Variants in VPS35 observed in about 807,000 individuals in gnomAD.
VPS35 encodes the protein vacuolar protein sorting-associated protein 35.
A neutral mutation model predicts 98.1 loss-of-function variants in VPS35; 21 were observed. That is an observed-to-expected ratio of 0.21 (90% CI 0.15 to 0.31). The LOEUF (loss-of-function observed/expected upper bound fraction) is 0.31, where lower values mean the gene tolerates loss of function less well. VPS35 is among the 10% of genes least tolerant of loss of function. The pLI, the probability that VPS35 is intolerant of heterozygous loss-of-function variation, is 1.00. For missense variants in VPS35, 554 were observed against 950.8 expected (o/e 0.58, Z 5.49); for synonymous variants, 268 against 318.2 (o/e 0.84, Z 1.68).
chr16:46,672,147 G>C, intron 11 of VPS35, 118 bp downstream of exon 11: 2 of 895,474 alleles, frequency 2.2e-6, no homozygotes, highest in Non-Finnish European at 3.4e-6. Flanking sequence ...TAATGAAAAA[G>C]TTACTTGTAA....
intron 12 of VPS35, 124 bp from the exon 13 acceptor site, chr16:46,669,176 G>T: frequency 8.0e-7 from 1 of 1,242,692 alleles, no homozygotes. Flanking sequence ...CATACTTTAT[G>T]GTAGGCAATT....
rs767701361 is a variant in VPS35, at chr16:46,674,641, G to A, written c.934C>T (p.Arg312Cys). 17 of 1,609,698 alleles carry A rather than the reference G, an allele frequency of 1.1e-5. No homozygotes were observed. The highest frequency in any genetic ancestry group is 1.4e-5 in the Non-Finnish European group (16 of 1,178,180). ...LIDRLALFAH[R>C]EDGPGIPADI... ...GCTGGGATTCCAGGTCCATCTTCACGGTGAGCAAATAAAGCTAATCTAAAA... is the reference window on the plus strand; with the variant it reads ...GCTGGGATTCCAGGTCCATCTTCACAGTGAGCAAATAAAGCTAATCTAAAA... The change falls in exon 9 of 17, where the codon CGT (arginine) becomes TGT (cysteine). Residue 312 changes from arginine to cysteine, a missense_variant. Coordinates refer to ENST00000299138, the MANE Select transcript of VPS35 (RefSeq NM_018206.6).
At chr16:46,682,200 T>C (rs1482164978) in intron 2 of VPS35, 25 bp from the exon 3 acceptor site, 1 of 1,503,804 alleles carries the variant, frequency 6.6e-7, no homozygotes, top group Admixed American at 1.7e-5. Flanking sequence ...AGAGAATAGA[T>C]GAGAATGCTT....
intron 12 of VPS35, among the ~76,000 whole-genome samples, chr16:46,669,822 G>A (rs1476234065): frequency 1.3e-5 from 2 of 152,106 alleles, no homozygotes; most frequent in African/African-American, 2.4e-5. Flanking sequence ...TAAACTCCTA[G>A]GGTTGTTGGG....
intron 1 of VPS35, among the ~76,000 whole-genome samples, chr16:46,685,241 G>A (rs1322360242): frequency 1.3e-5 from 2 of 152,198 alleles, no homozygotes; most frequent in Admixed American, 1.3e-4. Flanking sequence ...TGAAGAGGTG[G>A]AAGGCAAGGA....
chr16:46,661,505 C>T lies in VPS35; in HGVS notation c.2211+213G>A, dbSNP rs1005755813. ...TCAGCCTCCCAAAGTGCTGGGATTACAGGCATGAGCCACCACGCCCAGCCT... is the reference window on the plus strand; with the variant it reads ...TCAGCCTCCCAAAGTGCTGGGATTATAGGCATGAGCCACCACGCCCAGCCT... On this transcript the variant is annotated intron_variant, in intron 16 of 16. Coordinates refer to ENST00000299138, the MANE Select transcript of VPS35 (RefSeq NM_018206.6). The surrounding 1 kb of genome is among the most constrained non-coding windows in gnomAD (Gnocchi z 4.3). 2.0e-4 allele frequency: 92 copies of T among 469,346 alleles called. No individual in the cohort carries two copies. The Middle Eastern group carries it at 2.0e-3, about 10-fold the overall frequency. 29.1% of individuals were successfully genotyped at this position (469,346 alleles called of 1,614,324 possible).
Position 46,672,162 on chromosome 16 carries a change from T to C in VPS35, c.1368+103A>G, listed in dbSNP as rs1465155933. The C allele has an allele frequency of 4.1e-6, 4 of 974,292 alleles. No homozygotes were observed. In the East Asian group the frequency reaches 1.0e-4, roughly 25 times the overall value. The allele number at this position is 974,292 out of a possible 1,614,324, so 60.4% of individuals were successfully genotyped here. Reference sequence around the variant, plus strand: ...TAATGAAAAAGTTACTTGTAAATTTTATTTAGTATTGAATTACCCTCCCCT... The same window carrying C: ...TAATGAAAAAGTTACTTGTAAATTTCATTTAGTATTGAATTACCCTCCCCT... On this transcript the variant is annotated intron_variant, in intron 11 of 16. Transcript: ENST00000299138.
chr16:46,664,520 CT>C (rs1202589688), intron 13 of VPS35, among the ~76,000 whole-genome samples: 2 of 150,446 alleles, frequency 1.3e-5, no homozygotes, highest in East Asian at 3.9e-4. Flanking sequence ...TTTTTCTTTT[CT>C]TTTCTTTTTT....
Position 46,677,254 on chromosome 16 carries a change from A to C in VPS35, c.804+61T>G, listed in dbSNP as rs1966165571. On this transcript the variant is annotated intron_variant, in intron 7 of 16. Coordinates refer to ENST00000299138, the MANE Select transcript of VPS35 (RefSeq NM_018206.6). ...TATTCCATCAAAATTTTTTCAAAAC[A>C]ATTAAATTTAATGAAAGATAAAATA... is the stretch of plus-strand genomic sequence containing the variant. 3 of 1,503,798 alleles carry C rather than the reference A, an allele frequency of 2.0e-6. No individual in the cohort carries two copies. The African/African-American group carries it at 4.2e-5, about 21-fold the overall frequency. 93.2% of individuals were successfully genotyped at this position (1,503,798 alleles called of 1,614,324 possible).
In VPS35 at chr16:46,662,135, A is replaced by C; in HGVS notation, c.2067+108T>G. 4 of 1,590,410 alleles carry C rather than the reference A, an allele frequency of 2.5e-6. No individual in the cohort carries two copies. The South Asian group carries it at 4.5e-5, about 18-fold the overall frequency. On this transcript the variant is annotated intron_variant, in intron 15 of 16. Transcript: ENST00000299138. The stretch of plus-strand genomic sequence containing the variant: ...TTAACAAAACAAAGCAATTTTGTTC[A>C]TCAGATTTCCAAGCACCCCAAATGT...
At chr16:46,678,264 T>A (rs979769624) in intron 6 of VPS35, among the ~76,000 whole-genome samples, 1 of 146,610 alleles carries the variant, frequency 6.8e-6, no homozygotes, top group Admixed American at 7.0e-5. Flanking sequence ...GAATTAGAAT[T>A]GTCTTGGGCC....
intron 5 of VPS35, among the ~76,000 whole-genome samples, chr16:46,680,077 C>T (rs1160528573): frequency 6.6e-6 from 1 of 152,128 alleles, no homozygotes; most frequent in Non-Finnish European, 1.5e-5. Flanking sequence ...GTGAACAGCT[C>T]ACCCCACTGA....
intron 2 of VPS35, 157 bp downstream of exon 2, chr16:46,683,351 T>C (rs1966261561): frequency 1.4e-6 from 1 of 710,022 alleles, no homozygotes; most frequent in African/African-American, 1.8e-5. Flanking sequence ...TTGTTGAAAT[T>C]GCTCCACAAA....
intron 4 of VPS35, 28 bp from the exon 5 acceptor site, chr16:46,680,881 T>C: frequency 6.2e-7 from 1 of 1,601,100 alleles, no homozygotes; most frequent in Non-Finnish European, 8.6e-7. Flanking sequence ...AAATGCTGAT[T>C]AGAAATAAAA....
intron 8 of VPS35, among the ~76,000 whole-genome samples, chr16:46,675,653 T>TA (rs1328634446): frequency 1.3e-5 from 2 of 152,184 alleles, no homozygotes; most frequent in African/African-American, 4.8e-5. Flanking sequence ...CTTAGTTTTT[T>TA]AAAAAACATA....
At position 46,661,522 on chromosome 16, in the gene VPS35, G is replaced by A. The variant is rs1454211012; in HGVS notation, c.2211+196C>T. The A allele has an allele frequency of 5.3e-5, 29 of 552,052 alleles. No individual in the cohort carries two copies. The Admixed American group carries it at 5.6e-4, about 11-fold the overall frequency. 34.2% of individuals were successfully genotyped at this position (552,052 alleles called of 1,614,324 possible). Reference sequence around the variant, plus strand: ...TGGGATTACAGGCATGAGCCACCACGCCCAGCCTAGGAATTATCTTAAACT... The same window carrying A: ...TGGGATTACAGGCATGAGCCACCACACCCAGCCTAGGAATTATCTTAAACT... On this transcript the variant is annotated intron_variant, in intron 16 of 16. Transcript: ENST00000299138. This position sits in a 1 kb window ranked among gnomAD's most constrained non-coding sequence, Gnocchi z 4.3.
At chr16:46,669,171 T>A in intron 12 of VPS35, 119 bp from the exon 13 acceptor site, 21 of 1,259,156 alleles carry the variant, frequency 1.7e-5, no homozygotes, top group Non-Finnish European at 2.1e-5. Flanking sequence ...TGTACCATAC[T>A]TTATGGTAGG....
Position 46,658,252 on chromosome 16 carries a change from A to G in VPS35, c.*2220T>C, listed in dbSNP as rs1029555884. The G allele has an allele frequency of 6.5e-6, 1 of 153,514 alleles. No homozygotes were observed. Among genetic ancestry groups the G allele is most frequent in the Non-Finnish European group, 1.5e-5 (1 of 68,040 alleles). The allele number at this position is 153,514 out of a possible 1,614,324, so 9.5% of individuals were successfully genotyped here. ...CCTCTGCAGAACTTCCCCATCCCCA[A>G]TCCCTCAAAGCTCTTCTTCACTGCT... On this transcript the variant is annotated 3_prime_UTR_variant, in exon 17 of 17. Coordinates refer to ENST00000299138, the MANE Select transcript of VPS35 (RefSeq NM_018206.6).
chr16:46,683,710 A>T (rs1194200733), intron 1 of VPS35, 104 bp from the exon 2 acceptor site: 13 of 1,230,046 alleles, frequency 1.1e-5, no homozygotes, highest in Non-Finnish European at 1.5e-5. Context: ...GTCCAGCTCT[A>T]TACCTCAAAC....
Sources: gnomAD v4.1 joint callset for allele counts (sites outside exome capture counted in the v4.1 genomes callset) on GRCh38, gnomAD v4.1.1 for gene constraint, Gnocchi (gnomAD v3.1) non-coding constraint, MANE v1.5 for transcripts, NCBI Gene and HGNC (gene_info 2026-07-23, HGNC 2026-07-21) for gene names.